KMT5A: variants seen among roughly 807,000 people sequenced by gnomAD.
KMT5A encodes lysine methyltransferase 5A.
Under a neutral mutation model 40.6 loss-of-function variants are expected in KMT5A, and 6 were observed. The observed-to-expected ratio is 0.15, with a 90% confidence interval of 0.08 to 0.29. The LOEUF (loss-of-function observed/expected upper bound fraction) is 0.29. KMT5A is among the 10% of genes least tolerant of loss of function. The probability of loss-of-function intolerance (pLI) is 1.00; values close to 1 mark genes in which losing one functional copy is unlikely to be tolerated. For synonymous variants in KMT5A, 153 were observed against 178.8 expected (o/e 0.86, Z 1.15); for missense variants, 308 against 459.1 (o/e 0.67, Z 3.01).
chr12:123,389,557 A>G lies in KMT5A; in HGVS notation c.132+3A>G. ...CGGGGAGGCCCCGCACCGACGGGGTAAGCAGGCACCCTCCCCGCACCCCTG... is the reference window on the plus strand; with the variant it reads ...CGGGGAGGCCCCGCACCGACGGGGTGAGCAGGCACCCTCCCCGCACCCCTG... On this transcript the variant is annotated splice_donor_region_variant and intron_variant, in intron 2 of 7. Coordinates refer to ENST00000402868, the MANE Select transcript of KMT5A (RefSeq NM_020382.7). 1 of 1,083,034 alleles carries G rather than the reference A, an allele frequency of 9.2e-7. No homozygotes were observed. The highest frequency in any genetic ancestry group is 1.1e-6 in the Non-Finnish European group (1 of 894,418). The allele number at this position is 1,083,034 out of a possible 1,614,324, so 67.1% of individuals were successfully genotyped here.
At chr12:123,395,454 C>T (rs963680918) in intron 4 of KMT5A, among the ~76,000 whole-genome samples, 188 bp downstream of exon 4, 1 of 152,150 alleles carries the variant, frequency 6.6e-6, no homozygotes, top group Admixed American at 6.6e-5. Flanking sequence ...TGGCATGGGT[C>T]CAGAGTTCAA....
chr12:123,384,613 G>T lies in KMT5A; in HGVS notation c.10+405G>T, dbSNP rs1225068775. Among the ~76,000 whole-genome samples the T allele has an allele frequency of 6.6e-6, 1 of 152,276 alleles. No homozygotes were observed. Among genetic ancestry groups the T allele is most frequent in the Non-Finnish European group, 1.5e-5 (1 of 68,052 alleles). On this transcript the variant is annotated intron_variant, in intron 1 of 7. Transcript: ENST00000402868. This position sits in a 1 kb window ranked among gnomAD's most constrained non-coding sequence, Gnocchi z 5.7. ...GGGCCCTCTCTCTTTGGGAAAGGAG[G>T]TGATCCCGAGGCGAAGGCGCAGATC...
chr12:123,390,107 C>T (rs777590100), intron 2 of KMT5A: 13 of 468,858 alleles, frequency 2.8e-5, no homozygotes, highest in Admixed American at 4.7e-5. Flanking sequence ...GAAGTCCTCC[C>T]GTCGCAGCCC....
intron 5 of KMT5A, among the ~76,000 whole-genome samples, chr12:123,399,751 G>A (rs899451880): frequency 6.6e-6 from 1 of 152,218 alleles, no homozygotes; most frequent in African/African-American, 2.4e-5. Context: ...GCTGAGGTGG[G>A]AGGATTACTT....
intron 1 of KMT5A, among the ~76,000 whole-genome samples, chr12:123,386,357 AG>A (rs763040621): frequency 6.6e-6 from 1 of 151,904 alleles, no homozygotes; most frequent in Non-Finnish European, 1.5e-5. Flanking sequence ...CTGGGATTAC[AG>A]GCACCTGTCA....
intron 3 of KMT5A, 50 bp downstream of exon 3, chr12:123,390,836 A>G: frequency 6.2e-7 from 1 of 1,600,612 alleles, no homozygotes; most frequent in Non-Finnish European, 8.5e-7. Flanking sequence ...CGGGTTGCAG[A>G]AGCCTCTGTC....
intron 5 of KMT5A, among the ~76,000 whole-genome samples, chr12:123,396,931 G>A (rs1450305801): frequency 6.6e-6 from 1 of 152,214 alleles, no homozygotes; most frequent in Non-Finnish European, 1.5e-5. Context: ...CTGTAAAATG[G>A]TACAATAATG....
chr12:123,386,711 A>G (rs1187287352), intron 1 of KMT5A, among the ~76,000 whole-genome samples: 1 of 152,086 alleles, frequency 6.6e-6, no homozygotes, highest in Non-Finnish European at 1.5e-5. Flanking sequence ...CAACCCCAAT[A>G]TATTAGTCTC....
At position 123,405,748 on chromosome 12, in the gene KMT5A, A is replaced by G. The variant is rs149919023; in HGVS notation, c.848+674A>G. Among the ~76,000 whole-genome samples, 319 of 151,300 alleles carry G rather than the reference A, an allele frequency of 2.1e-3. 3 individuals are homozygous for G. The South Asian group carries it at 0.025, about 12-fold the overall frequency. On this transcript the variant is annotated intron_variant, in intron 7 of 7. Coordinates refer to ENST00000402868, the MANE Select transcript of KMT5A (RefSeq NM_020382.7). ...GTTGGCCAGGCTGGTCTGACCTCAT[A>G]TGGTCTGCCTGCCTTAGCCTCCCAA...
chr12:123,395,932 AC>A (rs1345361685), intron 4 of KMT5A, among the ~76,000 whole-genome samples: 1 of 152,016 alleles, frequency 6.6e-6, no homozygotes, highest in Non-Finnish European at 1.5e-5. Context: ...TGCAGCCTCA[AC>A]CTCTCAGGAC....
intron 7 of KMT5A, among the ~76,000 whole-genome samples, 191 bp downstream of exon 7, chr12:123,405,265 C>G (rs1878450483): frequency 6.6e-6 from 1 of 150,966 alleles, no homozygotes; most frequent in African/African-American, 2.4e-5. Context: ...GTGATCTCGG[C>G]TCATTGCAAC....
intron 1 of KMT5A, 67 bp from the exon 2 acceptor site, chr12:123,389,366 C>T (rs1479843668): frequency 7.1e-6 from 7 of 984,308 alleles, no homozygotes; most frequent in East Asian, 9.9e-5. Flanking sequence ...GCCCGGGCGG[C>T]CCCGCTCCCC....
At chr12:123,402,608 G>GTTCC (rs1878262240) in intron 5 of KMT5A, among the ~76,000 whole-genome samples, 1 of 152,196 alleles carries the variant, frequency 6.6e-6, no homozygotes, top group Non-Finnish European at 1.5e-5. Flanking sequence ...TCTTCATTTG[G>GTTCC]TTCCCTTTTG....
intron 5 of KMT5A, among the ~76,000 whole-genome samples, chr12:123,401,815 CA>C (rs1478985370): frequency 6.6e-6 from 1 of 152,028 alleles, no homozygotes; most frequent in Non-Finnish European, 1.5e-5. Flanking sequence ...CTCGTAACCT[CA>C]AGTGATCCAC....
chr12:123,394,663 ACT>A (rs1318022526), intron 3 of KMT5A, among the ~76,000 whole-genome samples: 1 of 151,634 alleles, frequency 6.6e-6, no homozygotes, highest in Non-Finnish European at 1.5e-5. Flanking sequence ...TTGTCACCTT[ACT>A]CCTGTCCCCT....
chr12:123,396,277 C>T (rs1877715963), intron 4 of KMT5A, 68 bp from the exon 5 acceptor site: 1 of 1,479,808 alleles, frequency 6.8e-7, no homozygotes, highest in Admixed American at 1.7e-5. Context: ...TGTGTGCCTT[C>T]TAAGGAGCTG....
intron 5 of KMT5A, among the ~76,000 whole-genome samples, chr12:123,398,078 T>G (rs532342853): frequency 2.9e-4 from 44 of 149,214 alleles, no homozygotes; most frequent in African/African-American, 8.1e-4. Context: ...AGGTCAGGAG[T>G]TCGAGACCAG....
chr12:123,403,512 A>G (rs1878329604), intron 5 of KMT5A, 61 bp from the exon 6 acceptor site: 1 of 1,575,204 alleles, frequency 6.3e-7, no homozygotes, highest in Admixed American at 1.7e-5. Flanking sequence ...CAAGACCATC[A>G]AGCTACGCAC....
Position 123,406,630 on chromosome 12 carries a change from T to C in KMT5A, c.849-863T>C, listed in dbSNP as rs371801422. 1.3e-4 allele frequency among the ~76,000 whole-genome samples: 20 copies of C among 152,206 alleles called. No individual in the cohort carries two copies. In the South Asian group the frequency reaches 4.1e-3, roughly 32 times the overall value. On this transcript the variant is annotated intron_variant, in intron 7 of 7. Transcript: ENST00000402868. ...CGCCTGGCGGGGTTGATTTTTTTAA[T>C]CCATTTATTTTGTGAAACTCTACCA...
Sources: gnomAD v4.1 joint callset for allele counts (sites outside exome capture counted in the v4.1 genomes callset) on GRCh38, gnomAD v4.1.1 for gene constraint, Gnocchi (gnomAD v3.1) non-coding constraint, MANE v1.5 for transcripts, NCBI Gene and HGNC (gene_info 2026-07-23, HGNC 2026-07-21) for gene names.